Variants in MYO16 observed in about 807,000 individuals in gnomAD.
The protein encoded by MYO16 is myosin XVI, also known as unconventional myosin-XVI.
MYO16 carries 94 observed loss-of-function variants against 205.3 expected under a neutral mutation model. The ratio of observed to expected loss-of-function variants is 0.46; its 90% CI spans 0.39 to 0.54. The LOEUF is 0.54. MYO16 is among the 20% of genes least tolerant of loss of function. The probability of loss-of-function intolerance (pLI) is 0.00; values close to 1 mark genes in which losing one functional copy is unlikely to be tolerated. For missense variants in MYO16, 2,315 were observed against 2,387.5 expected, an observed-to-expected ratio of 0.97 and a Z score of 0.63; for synonymous variants, 988 against 954.0, an observed-to-expected ratio of 1.04 and a Z score of -0.66.
intron 2 of MYO16, among the ~76,000 whole-genome samples, chr13:108,702,453 A>G (rs1208436011): frequency 6.6e-6 from 1 of 152,212 alleles, no homozygotes; most frequent in Non-Finnish European, 1.5e-5. Flanking sequence ...CATGAAAATG[A>G]CTTTTCAAAA....
At chr13:108,709,181 A>G (rs1318220052) in intron 2 of MYO16, among the ~76,000 whole-genome samples, 1 of 152,170 alleles carries the variant, frequency 6.6e-6, no homozygotes, top group Admixed American at 6.5e-5. Context: ...TTTTGTCATA[A>G]CAGAAAGATT....
At chr13:108,638,008 G>A (rs1257097890) in intron 1 of MYO16, among the ~76,000 whole-genome samples, 1 of 152,136 alleles carries the variant, frequency 6.6e-6, no homozygotes, top group Admixed American at 6.5e-5. Context: ...ACTTTTGATG[G>A]CATCAACTAA....
chr13:109,150,523 C>T lies in MYO16; in HGVS notation c.5164+9147C>T, dbSNP rs142352621. Among the ~76,000 whole-genome samples, 1,390 of 152,304 alleles carry T rather than the reference C, an allele frequency of 9.1e-3. 6 individuals are homozygous for T. The highest frequency in any genetic ancestry group is 0.037 in the Middle Eastern group (11 of 294). On this transcript the variant is annotated intron_variant, in intron 32 of 34. Coordinates refer to ENST00000457511, the MANE Select transcript of MYO16 (RefSeq NM_001198950.3). ...TTGCATGAACTGTCCTGAGAAATTA[C>T]CTTAACATATTAGCTGTAAATCTGC...
chr13:108,928,111 C>T (rs1011244955), intron 16 of MYO16, among the ~76,000 whole-genome samples: 2 of 152,146 alleles, frequency 1.3e-5, no homozygotes, highest in African/African-American at 4.8e-5. Context: ...CCTTCTGGGG[C>T]TTTTCTCCTT....
chr13:108,696,594 C>G (rs553628761), intron 2 of MYO16, among the ~76,000 whole-genome samples: 1 of 152,062 alleles, frequency 6.6e-6, no homozygotes, highest in Non-Finnish European at 1.5e-5. Context: ...GGGATACCTG[C>G]GGGGAAGGAC....
rs544657361 is a variant in MYO16 at position 108,886,171 on chromosome 13, T to C, written c.1554-2201T>C. ...CCCGGCTAATTTTTTGTATTTTTAG[T>C]AGAGACGAGGTTTCACCGTGTTAGC... On this transcript the variant is annotated intron_variant, in intron 13 of 34. Coordinates refer to ENST00000457511, the MANE Select transcript of MYO16 (RefSeq NM_001198950.3). Among the ~76,000 whole-genome samples the C allele has an allele frequency of 1.1e-4, 17 of 152,202 alleles. No homozygotes were observed. In the South Asian group the frequency reaches 3.3e-3, roughly 30 times the overall value.
At chr13:108,953,682 G>T (rs1415712560) in intron 16 of MYO16, among the ~76,000 whole-genome samples, 1 of 150,740 alleles carries the variant, frequency 6.6e-6, no homozygotes, top group African/African-American at 2.4e-5. Flanking sequence ...GTGAGATTTC[G>T]TGATGGAGTG....
At position 109,052,440 on chromosome 13, in the gene MYO16, A is replaced by G; in HGVS notation, c.3013A>G (p.Ile1005Val). Residue 1005 changes from isoleucine (I) to valine (V), a missense_variant, in exon 25 of 35, where the codon ATT (isoleucine) becomes GTT (valine). By Grantham distance (29) the Ile-to-Val change is conservative. Transcript: ENST00000457511. ...LSKKMTASSI[I>V]GENKNYLELS... The stretch of plus-strand genomic sequence containing the variant: ...TAAGAAAATGACAGCTTCTTCAATT[A>G]TTGGAGAAAACAAGAATTATCTAGA... 1.2e-6 allele frequency: 2 copies of G among 1,611,306 alleles called. No individual in the cohort carries two copies. Among genetic ancestry groups the G allele is most frequent in the East Asian group, 2.2e-5 (1 of 44,838 alleles).
At chr13:109,113,010 G>T (rs1875473168) in intron 28 of MYO16, among the ~76,000 whole-genome samples, 1 of 152,200 alleles carries the variant, frequency 6.6e-6, no homozygotes, top group Non-Finnish European at 1.5e-5. Context: ...TGCTACTGTA[G>T]AGATGTATAC....
chr13:108,507,168 G>T, the MYO16 span, among the ~76,000 whole-genome samples: 4 of 152,072 alleles, frequency 2.6e-5, no homozygotes, highest in Admixed American at 2.0e-4. Context: ...ATGGGTTTAT[G>T]GGACTGTCAT....
At chr13:108,913,538 T>G (rs546166951) in intron 16 of MYO16, among the ~76,000 whole-genome samples, 2 of 152,334 alleles carry the variant, frequency 1.3e-5, no homozygotes, top group South Asian at 2.1e-4. Context: ...TGGAAACTGT[T>G]TGGCTTGTTC....
At chr13:108,950,433 TGG>T (rs879326758) in intron 16 of MYO16, among the ~76,000 whole-genome samples, 2 of 152,124 alleles carry the variant, frequency 1.3e-5, no homozygotes, top group Non-Finnish European at 2.9e-5. Context: ...CATAAGCATG[TGG>T]AAAGGTGTTG....
chr13:108,701,461 C>G (rs1245330530), intron 2 of MYO16, among the ~76,000 whole-genome samples: 2 of 152,128 alleles, frequency 1.3e-5, no homozygotes, highest in Non-Finnish European at 2.9e-5. Flanking sequence ...CCCTCCCCTT[C>G]TTCCTACCTT....
intron 4 of MYO16, among the ~76,000 whole-genome samples, chr13:108,773,402 T>C (rs1010475541): frequency 6.6e-6 from 1 of 152,200 alleles, no homozygotes; most frequent in Non-Finnish European, 1.5e-5. Context: ...GAAATCAAGA[T>C]GTCAGCACTG....
At chr13:108,755,996 T>C (rs1181487237) in intron 4 of MYO16, among the ~76,000 whole-genome samples, 1 of 152,194 alleles carries the variant, frequency 6.6e-6, no homozygotes, top group Non-Finnish European at 1.5e-5. Flanking sequence ...AGCATTATAG[T>C]CACAGTCCTT....
intron 4 of MYO16, among the ~76,000 whole-genome samples, chr13:108,761,450 G>A (rs1254544063): frequency 7.2e-6 from 1 of 139,832 alleles, no homozygotes; most frequent in Non-Finnish European, 1.6e-5. Flanking sequence ...GAAGCCGAGG[G>A]GGGAGAAGGA....
Position 109,125,471 on chromosome 13 carries a change from G to A in MYO16, c.3782+113G>A. The stretch of plus-strand genomic sequence containing the variant: ...CAATCAAATATGACAGGAGTTGCAG[G>A]AACAGGCATGCGTGGTTTGTTATTC... On this transcript the variant is annotated intron_variant, in intron 30 of 34. Transcript: ENST00000457511. This position sits in a 1 kb window ranked among gnomAD's most constrained non-coding sequence, Gnocchi z 4.0. 3 of 1,384,150 alleles carry A rather than the reference G, an allele frequency of 2.2e-6. No homozygotes were observed. Among genetic ancestry groups the A allele is most frequent in the Non-Finnish European group, 2.0e-6 (2 of 1,011,410 alleles). The allele number at this position is 1,384,150 out of a possible 1,614,324, so 85.7% of individuals were successfully genotyped here.
At chr13:109,126,387 A>G (rs1239245483) in intron 30 of MYO16, among the ~76,000 whole-genome samples, 1 of 152,246 alleles carries the variant, frequency 6.6e-6, no homozygotes, top group Non-Finnish European at 1.5e-5. Context: ...GTTCTGCCAC[A>G]GAAAGATATA....
chr13:108,787,868 A>G (rs1365376767), intron 5 of MYO16, among the ~76,000 whole-genome samples: 1 of 152,114 alleles, frequency 6.6e-6, no homozygotes, highest in Non-Finnish European at 1.5e-5. Flanking sequence ...GCTCATTCAC[A>G]ATCTGCTTCT....
Sources: gnomAD v4.1 joint callset for allele counts (sites outside exome capture counted in the v4.1 genomes callset) on GRCh38, gnomAD v4.1.1 for gene constraint, Gnocchi (gnomAD v3.1) non-coding constraint, MANE v1.5 for transcripts, NCBI Gene and HGNC (gene_info 2026-07-23, HGNC 2026-07-21) for gene names.